The following PRKDC variants were observed in gnomAD, a reference collection of about 807,000 sequenced individuals.
PRKDC encodes the protein protein kinase, DNA-activated, catalytic subunit.
A neutral mutation model predicts 486.9 loss-of-function variants in PRKDC; 82 were observed. That is an observed-to-expected ratio of 0.17 (90% CI 0.14 to 0.20). PRKDC has a LOEUF of 0.20. Ranked by LOEUF, PRKDC falls within the 10% of genes least tolerant of loss-of-function variation. The pLI is 1.00. For missense variants in PRKDC, 4,504 were observed against 5,038.2 expected, an observed-to-expected ratio of 0.89 and a Z score of 3.21; for synonymous variants, 1,895 against 1,837.0, an observed-to-expected ratio of 1.03 and a Z score of -0.81.
At chr8:47,944,177 C>T in intron 7 of PRKDC, 148 bp from the exon 8 acceptor site, 1 of 716,760 alleles carries the variant, frequency 1.4e-6, no homozygotes, top group Non-Finnish European at 2.4e-6. Flanking sequence ...GCTAAAGTTG[C>T]AAGTTATTAC....
chr8:47,878,486 G>T (rs1410721011), intron 39 of PRKDC, among the ~76,000 whole-genome samples: 1 of 151,926 alleles, frequency 6.6e-6, no homozygotes, highest in Non-Finnish European at 1.5e-5. Flanking sequence ...CCTTCAACAG[G>T]CCCCCCTCCT....
At chr8:47,881,877 A>T (rs1391154801) in intron 37 of PRKDC, 35 bp downstream of exon 37, 1 of 1,547,722 alleles carries the variant, frequency 6.5e-7, no homozygotes, top group Non-Finnish European at 8.8e-7. Flanking sequence ...AGTTCAGAAG[A>T]ATAAACATGA....
chr8:47,774,409 G>T, intron 85 of PRKDC, 32 bp from the exon 86 acceptor site: 1 of 1,593,532 alleles, frequency 6.3e-7, no homozygotes, highest in Non-Finnish European at 8.6e-7. Flanking sequence ...AAAACACAAA[G>T]CATGTGTCAT....
Position 47,821,915 on chromosome 8 carries a change from G to A in PRKDC, c.8923-123C>T. ...ATCCTTTTCAGATTTACGGAAAGGA[G>A]AGAGAAAAGAGAAGCTATTCAGAGT... On this transcript the variant is annotated intron_variant, in intron 64 of 85. Coordinates refer to ENST00000314191, the MANE Select transcript of PRKDC (RefSeq NM_006904.7). The A allele has an allele frequency of 3.3e-6, 3 of 908,080 alleles. No individual in the cohort carries two copies. In the South Asian group the frequency reaches 5.8e-5, roughly 18 times the overall value. The allele number at this position is 908,080 out of a possible 1,614,324, so 56.3% of individuals were successfully genotyped here. A position where few individuals can be genotyped will look rare whatever the true frequency, so the allele number is the denominator to read the frequency against.
At chr8:47,889,296 G>A in intron 32 of PRKDC, 74 bp from the exon 33 acceptor site, 13 of 1,325,710 alleles carry the variant, frequency 9.8e-6, no homozygotes, top group Non-Finnish European at 1.3e-5. Context: ...GGGCCCACAA[G>A]GTTGGGAACT....
At chr8:47,947,364 G>C (rs1006083527) in intron 7 of PRKDC, among the ~76,000 whole-genome samples, 1 of 152,210 alleles carries the variant, frequency 6.6e-6, no homozygotes, top group African/African-American at 2.4e-5. Flanking sequence ...AAAATCAGCA[G>C]AGCTGCTTTA....
Position 47,862,074 on chromosome 8 carries a change from A to G in PRKDC, c.5973T>C (p.Pro1991=). 1 of 1,552,684 alleles carries G rather than the reference A, an allele frequency of 6.4e-7. No homozygotes were observed. The highest frequency in any genetic ancestry group is 1.4e-5 in the African/African-American group (1 of 73,402). ...LIDLKRRYNF[P]VEVEVPMERK... ...AAATTTCACTCACCTCAACTTCTAC[A>G]GGAAAATTATAGCGGCGCTTCAGGT... Residue 1991 remains proline, a synonymous_variant, in exon 44 of 86, where the codon CCT becomes CCC. Coordinates refer to ENST00000314191, the MANE Select transcript of PRKDC (RefSeq NM_006904.7).
At chr8:47,905,545 A>AT (rs2089764488) in intron 25 of PRKDC, among the ~76,000 whole-genome samples, 1 of 152,218 alleles carries the variant, frequency 6.6e-6, no homozygotes, top group East Asian at 1.9e-4. Flanking sequence ...TACAAAGCAA[A>AT]TAACAACCCT....
chr8:47,826,631 C>T (rs374304385), intron 63 of PRKDC, 25 bp downstream of exon 63: 77 of 1,590,274 alleles, frequency 4.8e-5, no homozygotes, highest in Non-Finnish European at 5.8e-5. Context: ...AGTGTGCTCC[C>T]AAGAGCACCT....
At chr8:47,790,148 A>G (rs763225829) in intron 74 of PRKDC, among the ~76,000 whole-genome samples, 1 of 152,232 alleles carries the variant, frequency 6.6e-6, no homozygotes, top group African/African-American at 2.4e-5. Flanking sequence ...ATACGATCTT[A>G]TATTTGGAGG....
intron 25 of PRKDC, among the ~76,000 whole-genome samples, chr8:47,911,849 A>G (rs1176114686): frequency 6.6e-6 from 1 of 151,944 alleles, no homozygotes; most frequent in Non-Finnish European, 1.5e-5. Flanking sequence ...AGAGCACTGC[A>G]ATCTCCACCT....
At chr8:47,805,030 G>A (rs1262536653) in intron 69 of PRKDC, 1 of 152,074 alleles carries the variant, frequency 6.6e-6, no homozygotes, top group Admixed American at 6.6e-5. Flanking sequence ...CCAAAGTGCT[G>A]GGATTACAAG....
chr8:47,837,253 T>C lies in PRKDC; in HGVS notation c.7720A>G (p.Asn2574Asp), dbSNP rs769687916. The change falls in exon 57 of 86, where the codon AAC becomes GAC. Residue 2574 changes from asparagine to aspartate, a missense_variant. This residue lies in a region of PRKDC where 1,592 missense variants were observed against 1,724.6 expected (regional missense o/e 0.92). Transcript: ENST00000314191. The stretch of plus-strand genomic sequence containing the variant: ...GACAGAGGATGCTCGAACATGGGGT[T>C]TGGATAATCTGGGCTCATGCTGGTC... ...EMTSMSPDYPNPMFEHPLSEC... is the reference protein window; with the variant it reads ...EMTSMSPDYPDPMFEHPLSEC... 1 of 1,613,922 alleles carries C rather than the reference T, an allele frequency of 6.2e-7. No individual in the cohort carries two copies.
chr8:47,942,254 G>A lies in PRKDC; in HGVS notation c.966+955C>T, dbSNP rs6984761. The stretch of plus-strand genomic sequence containing the variant: ...GCAAGTAAGGCCAGCCAAGTTCAGC[G>A]TAACAGGAGTTTTATGAGAAGGACC... On this transcript the variant is annotated intron_variant, in intron 10 of 85. Coordinates refer to ENST00000314191, the MANE Select transcript of PRKDC (RefSeq NM_006904.7). Among the ~76,000 whole-genome samples, 991 of 152,306 alleles carry A rather than the reference G, an allele frequency of 6.5e-3. 10 individuals are homozygous for A. Among genetic ancestry groups the A allele is most frequent in the African/African-American group, 0.022 (924 of 41,564 alleles).
chr8:47,783,663 A>G (rs2086738115), intron 78 of PRKDC, 79 bp downstream of exon 78: 1 of 1,401,450 alleles, frequency 7.1e-7, no homozygotes, highest in South Asian at 1.2e-5. Context: ...GTTGTCTCAT[A>G]TACTAAAGGC....
intron 10 of PRKDC, among the ~76,000 whole-genome samples, chr8:47,940,444 C>T (rs567666089): frequency 6.6e-6 from 1 of 152,246 alleles, no homozygotes; most frequent in South Asian, 2.1e-4. Flanking sequence ...AAAAAAAAAT[C>T]CACCTTCCAC....
At chr8:47,830,825 G>T in intron 60 of PRKDC, 89 bp from the exon 61 acceptor site, 1 of 1,532,784 alleles carries the variant, frequency 6.5e-7, no homozygotes, top group Non-Finnish European at 9.0e-7. Context: ...AGGATCCCCT[G>T]AACCATGAGG....
chr8:47,885,709 A>C (rs1232467552), intron 36 of PRKDC, among the ~76,000 whole-genome samples: 1 of 151,982 alleles, frequency 6.6e-6, no homozygotes, highest in Middle Eastern at 3.4e-3. Flanking sequence ...TGGCCAACAT[A>C]GTGAAACTCC....
At chr8:47,948,969 A>G (rs941358482) in intron 7 of PRKDC, among the ~76,000 whole-genome samples, 6 of 152,252 alleles carry the variant, frequency 3.9e-5, no homozygotes, top group Non-Finnish European at 8.8e-5. Flanking sequence ...TTTATTACCT[A>G]TAATTCTAAA....
Sources: gnomAD v4.1 joint callset for allele counts (sites outside exome capture counted in the v4.1 genomes callset) on GRCh38, gnomAD v4.1.1 for gene constraint, gnomAD v4.1.1 regional missense constraint, MANE v1.5 for transcripts, NCBI Gene and HGNC (gene_info 2026-07-23, HGNC 2026-07-21) for gene names.